The following SIDT1 variants were observed in gnomAD, a reference collection of about 807,000 sequenced individuals.
SIDT1 encodes SID1 transmembrane family member 1, also known as SID1 transmembrane family, member 1.
A neutral mutation model predicts 107.5 loss-of-function variants in SIDT1; 101 were observed. That is an observed-to-expected ratio of 0.94 (90% CI 0.80 to 1.11). The LOEUF is 1.11. Ranked by LOEUF, SIDT1 falls within the 50% of genes least tolerant of loss-of-function variation. The pLI, the probability that SIDT1 is intolerant of heterozygous loss-of-function variation, is 0.00. For synonymous variants in SIDT1, 395 were observed against 398.2 expected (o/e 0.99, Z 0.10); for missense variants, 1,076 against 1,058.2 (o/e 1.02, Z -0.23).
In SIDT1 at chr3:113,603,109, A is replaced by G; in HGVS notation, c.1222A>G (p.Met408Val). 6.2e-7 allele frequency: 1 copy of G among 1,614,086 alleles called. No individual in the cohort carries two copies. Among genetic ancestry groups the G allele is most frequent in the Non-Finnish European group, 8.5e-7 (1 of 1,179,970 alleles). Residue 408 changes from methionine to valine, a missense_variant, in exon 12 of 25, where the codon ATG becomes GTG. Coordinates refer to ENST00000264852, the MANE Select transcript of SIDT1 (RefSeq NM_017699.3). Reference protein sequence around the residue: ...SSVEESDFDTMPDIESDKNII... With the variant: ...SSVEESDFDTVPDIESDKNII... ...CGTGGAGGAGAGCGACTTCGACACC[A>G]TGCCAGACATTGAGAGTGATAAAAA...
At chr3:113,563,955 T>C (rs1035282083) in intron 1 of SIDT1, among the ~76,000 whole-genome samples, 1 of 152,176 alleles carries the variant, frequency 6.6e-6, no homozygotes, top group Non-Finnish European at 1.5e-5. Flanking sequence ...TTTTTTTGTT[T>C]TGTTTTTTTG....
intron 20 of SIDT1, among the ~76,000 whole-genome samples, chr3:113,618,003 C>G (rs1010007658): frequency 6.6e-6 from 1 of 152,218 alleles, no homozygotes; most frequent in Non-Finnish European, 1.5e-5. Flanking sequence ...TTTTAACAAG[C>G]ATGTTGACAT....
chr3:113,582,016 T>C (rs9868243), intron 6 of SIDT1: 42,665 of 152,388 alleles, frequency 0.28, 6,622 homozygotes, highest in East Asian at 0.59. Context: ...TCAGTCTACT[T>C]ATTGGGGGTG....
chr3:113,534,605 G>A (rs1937887378), intron 1 of SIDT1, among the ~76,000 whole-genome samples: 1 of 152,184 alleles, frequency 6.6e-6, no homozygotes, highest in Non-Finnish European at 1.5e-5. Context: ...TAGCGTGGGA[G>A]AACTCATCGA....
intron 17 of SIDT1, 110 bp downstream of exon 17, chr3:113,608,646 G>A (rs910660469): frequency 7.3e-5 from 56 of 770,054 alleles, no homozygotes; most frequent in Non-Finnish European, 1.2e-4. Flanking sequence ...CATTTTATGT[G>A]AGCTGAAGAG....
At chr3:113,597,421 C>T (rs112521248) in intron 10 of SIDT1, among the ~76,000 whole-genome samples, 26,895 of 148,768 alleles carry the variant, frequency 0.18, 2,653 homozygotes, top group Admixed American at 0.27. Context: ...CACTTGAACC[C>T]GGGAGGCAGA....
chr3:113,536,740 T>C (rs184119800), intron 1 of SIDT1, among the ~76,000 whole-genome samples: 28 of 152,326 alleles, frequency 1.8e-4, no homozygotes, highest in Admixed American at 1.6e-3. Context: ...AAATATGAAG[T>C]TGCCTTCAAA....
chr3:113,536,497 A>T (rs943278572), intron 1 of SIDT1, among the ~76,000 whole-genome samples: 1 of 152,162 alleles, frequency 6.6e-6, no homozygotes, highest in Non-Finnish European at 1.5e-5. Flanking sequence ...TCTTCAAGCC[A>T]TTGTTGCTTG....
intron 19 of SIDT1, among the ~76,000 whole-genome samples, chr3:113,614,710 T>G (rs114581315): frequency 1.4e-3 from 219 of 152,346 alleles, no homozygotes; most frequent in African/African-American, 5.1e-3. Context: ...ACCGCAGAGC[T>G]GCTTCCCCAA....
the SIDT1 span, among the ~76,000 whole-genome samples, chr3:113,636,994 A>T: frequency 2.2e-4 from 34 of 152,340 alleles, no homozygotes; most frequent in South Asian, 7.0e-3. Context: ...AAGCAAAAAG[A>T]CACAAAGAAG....
At position 113,584,739 on chromosome 3, in the gene SIDT1, C is replaced by A; in HGVS notation, c.877C>A (p.Leu293Ile). The change falls in exon 8 of 25, where the codon CTT becomes ATT. Residue 293 changes from leucine to isoleucine, a missense_variant. Coordinates refer to ENST00000264852, the MANE Select transcript of SIDT1 (RefSeq NM_017699.3). ...CTGGAATCTACAGCGAAAAAAGAACCTTGAAGTGACCATTGTCCCTTCCAT... is the reference window on the plus strand; with the variant it reads ...CTGGAATCTACAGCGAAAAAAGAACATTGAAGTGACCATTGTCCCTTCCAT... ...QTWNLQRKKN[L>I]EVTIVPSIKE... 1 of 1,600,038 alleles carries A rather than the reference C, an allele frequency of 6.2e-7. No homozygotes were observed. The highest frequency in any genetic ancestry group is 8.5e-7 in the Non-Finnish European group (1 of 1,176,136).
In SIDT1 at chr3:113,609,419, T is replaced by A. The variant is rs1945581638; in HGVS notation, c.1720+883T>A. Among the ~76,000 whole-genome samples the A allele has an allele frequency of 2.0e-5, 3 of 152,122 alleles. No homozygotes were observed. In the South Asian group the frequency reaches 6.2e-4, roughly 32 times the overall value. Reference sequence around the variant, plus strand: ...AAGCGCTGGTTAGCTCAGACCCAGGTTGCTTCACCAATCAGCAAAAAAGGT... The same window carrying A: ...AAGCGCTGGTTAGCTCAGACCCAGGATGCTTCACCAATCAGCAAAAAAGGT... On this transcript the variant is annotated intron_variant, in intron 17 of 24. Coordinates refer to ENST00000264852, the MANE Select transcript of SIDT1 (RefSeq NM_017699.3).
the SIDT1 span, among the ~76,000 whole-genome samples, chr3:113,635,665 G>A: frequency 6.6e-6 from 1 of 152,210 alleles, no homozygotes; most frequent in African/African-American, 2.4e-5. Context: ...AGGAGATCAA[G>A]ACCATCCTGG....
intron 1 of SIDT1, among the ~76,000 whole-genome samples, chr3:113,542,940 T>G (rs894717796): frequency 3.7e-4 from 46 of 125,802 alleles, no homozygotes; most frequent in Admixed American, 1.8e-3. Flanking sequence ...GTGTGTGTGT[T>G]TGTTTGTTTG....
At chr3:113,568,635 CAG>C (rs1942160464) in intron 3 of SIDT1, among the ~76,000 whole-genome samples, 2 of 141,072 alleles carry the variant, frequency 1.4e-5, no homozygotes, top group Non-Finnish European at 3.2e-5. Flanking sequence ...AGAAAAAAAA[CAG>C]AAATGTAAAT....
rs763406007 is a variant in SIDT1 at position 113,598,848 on chromosome 3, CA to C, written c.1046-2739del. ...GTGACTTAAAATAAGGAGCTTAGACCAGGCATGGTGGCTCACACCTGTAATC... is the reference window on the plus strand; with the variant it reads ...GTGACTTAAAATAAGGAGCTTAGACCGGCATGGTGGCTCACACCTGTAATC... On this transcript the variant is annotated intron_variant, in intron 10 of 24. Transcript: ENST00000264852. Among the ~76,000 whole-genome samples, 91 of 152,276 alleles carry C rather than the reference CA, an allele frequency of 6.0e-4. 1 individual carries two copies. Among genetic ancestry groups the C allele is most frequent in the Middle Eastern group, 3.4e-3 (1 of 294 alleles).
At chr3:113,552,582 G>A (rs1173711275) in intron 1 of SIDT1, among the ~76,000 whole-genome samples, 1 of 152,264 alleles carries the variant, frequency 6.6e-6, no homozygotes, top group East Asian at 1.9e-4. Context: ...GGGAGACTAC[G>A]CTGCAGGAAA....
chr3:113,580,077 T>G (rs1427364726), intron 4 of SIDT1, among the ~76,000 whole-genome samples: 2 of 152,226 alleles, frequency 1.3e-5, no homozygotes, highest in African/African-American at 4.8e-5. Flanking sequence ...ATGTTCTCAC[T>G]ATATTCCAGC....
In SIDT1 at chr3:113,623,192, TAAAAAAA is replaced by T. The variant is rs61454117; in HGVS notation, c.2091-212_2091-206del. On this transcript the variant is annotated intron_variant, in intron 21 of 24. Transcript: ENST00000264852. ...AGTGAGGGAATGAGACCCCAACTCTTAAAAAAAAAAAAAAAAAAAAAAAAAAAAAGAT... is the reference window on the plus strand; with the variant it reads ...AGTGAGGGAATGAGACCCCAACTCTTAAAAAAAAAAAAAAAAAAAAAAGAT... Among the ~76,000 whole-genome samples the T allele has an allele frequency of 6.9e-3, 373 of 53,856 alleles. 3 individuals are homozygous for T. Among genetic ancestry groups the T allele is most frequent in the Middle Eastern group, 0.016 (1 of 64 alleles). 35.3% of individuals were successfully genotyped at this position (53,856 alleles called of 152,430 possible).
Sources: gnomAD v4.1 joint callset for allele counts (sites outside exome capture counted in the v4.1 genomes callset) on GRCh38, gnomAD v4.1.1 for gene constraint, MANE v1.5 for transcripts, NCBI Gene and HGNC (gene_info 2026-07-23, HGNC 2026-07-21) for gene names.